Variants in OTUD7A observed in about 807,000 individuals in gnomAD.
OTUD7A encodes OTU deubiquitinase 7A.
A neutral mutation model predicts 65.7 loss-of-function variants in OTUD7A; 12 were observed. The observed-to-expected ratio is 0.18, with a 90% CI of 0.12 to 0.30. The LOEUF (loss-of-function observed/expected upper bound fraction) is 0.30, where lower values mean the gene tolerates loss of function less well. Among genes scored for constraint, OTUD7A ranks in the 10% least tolerant of loss-of-function variants. The pLI, the probability that OTUD7A is intolerant of heterozygous loss-of-function variation, is 1.00. For synonymous variants in OTUD7A, 641 were observed against 586.3 expected (o/e 1.09, Z -1.35); for missense variants, 1,148 against 1,304.8 (o/e 0.88, Z 1.85).
chr15:31,744,813 T>G (rs534843630), intron 1 of OTUD7A, among the ~76,000 whole-genome samples: 1 of 152,194 alleles, frequency 6.6e-6, no homozygotes, highest in East Asian at 1.9e-4. Flanking sequence ...ATAAATGCAT[T>G]TAGTAAGGCT....
chr15:31,742,995 C>T lies in OTUD7A; in HGVS notation c.-99-85918G>A, dbSNP rs139309894. Among the ~76,000 whole-genome samples the T allele has an allele frequency of 1.0e-3, 157 of 151,936 alleles. 1 individual carries two copies. In the East Asian group the frequency reaches 0.018, roughly 18 times the overall value. On this transcript the variant is annotated intron_variant, in intron 1 of 12. Transcript: ENST00000307050. The stretch of plus-strand genomic sequence containing the variant: ...GACTAAAAGGAAATATAGACAAATC[C>T]ATAACCATAGTGGATGATTTTGATG...
chr15:31,739,448 A>G (rs1260264364), intron 1 of OTUD7A, among the ~76,000 whole-genome samples: 1 of 152,250 alleles, frequency 6.6e-6, no homozygotes, highest in Non-Finnish European at 1.5e-5. Flanking sequence ...CCAGGAGGAA[A>G]ATAACAGTTT....
rs142750638 is a variant in OTUD7A at position 31,792,475 on chromosome 15, C to T, written c.-100+78032G>A. Among the ~76,000 whole-genome samples, 304 of 152,294 alleles carry T rather than the reference C, an allele frequency of 2.0e-3. 1 individual carries two copies. Among genetic ancestry groups the T allele is most frequent in the East Asian group, 0.011 (58 of 5,178 alleles). ...CCTCCCCTCTCCCCATATTCCCTGA[C>T]TTGGGCCAGCTTGTTCATCCTGCAC... On this transcript the variant is annotated intron_variant, in intron 1 of 12. Transcript: ENST00000307050.
At chr15:31,781,867 C>T (rs1595764922) in intron 1 of OTUD7A, among the ~76,000 whole-genome samples, 1 of 152,170 alleles carries the variant, frequency 6.6e-6, no homozygotes. Context: ...CAGCCATTTC[C>T]ATCAGAAAGA....
At chr15:31,697,967 G>A (rs28363686) in intron 1 of OTUD7A, among the ~76,000 whole-genome samples, 2,093 of 151,906 alleles carry the variant, frequency 0.014, 44 homozygotes, top group African/African-American at 0.049. Flanking sequence ...CCTGATAATC[G>A]AGCCCATGGT....
At chr15:31,792,903 C>T (rs539798391) in intron 1 of OTUD7A, among the ~76,000 whole-genome samples, 5 of 152,134 alleles carry the variant, frequency 3.3e-5, no homozygotes, top group Non-Finnish European at 7.4e-5. Context: ...AGGCTGCCCC[C>T]CTGCCTGGCA....
At chr15:31,637,270 G>C (rs1031073618) in intron 3 of OTUD7A, among the ~76,000 whole-genome samples, 2 of 152,198 alleles carry the variant, frequency 1.3e-5, no homozygotes, top group African/African-American at 2.4e-5. Context: ...GTGCCCTTAA[G>C]AATGACACTA....
At position 31,686,312 on chromosome 15, in the gene OTUD7A, C is replaced by T. The variant is rs529348114; in HGVS notation, c.-99-29235G>A. On this transcript the variant is annotated intron_variant, in intron 1 of 12. Transcript: ENST00000307050. ...GCCACCTCCATTTGGTTCTCCAGCA[C>T]ACAGGCCATGAGCGTGGAGCTCACT... Among the ~76,000 whole-genome samples, 24 of 152,370 alleles carry T rather than the reference C, an allele frequency of 1.6e-4. No homozygotes were observed. In the South Asian group the frequency reaches 4.8e-3, roughly 30 times the overall value.
intron 10 of OTUD7A, among the ~76,000 whole-genome samples, chr15:31,490,584 G>C (rs2141069216): frequency 6.6e-6 from 1 of 152,308 alleles, no homozygotes; most frequent in South Asian, 2.1e-4. Flanking sequence ...AGACAGACAT[G>C]AGCTTAAGAA....
intron 3 of OTUD7A, among the ~76,000 whole-genome samples, chr15:31,598,060 C>G (rs1020521638): frequency 6.6e-6 from 1 of 152,034 alleles, no homozygotes; most frequent in Non-Finnish European, 1.5e-5. Context: ...GAGCCTGGTC[C>G]GGGAGAGCCT....
intron 1 of OTUD7A, among the ~76,000 whole-genome samples, chr15:31,843,124 G>A (rs1467839046): frequency 6.6e-6 from 1 of 151,938 alleles, no homozygotes; most frequent in Admixed American, 6.5e-5. Context: ...CATATGTGAG[G>A]AGTCGGGAAG....
chr15:31,714,995 G>A (rs2141341770), intron 1 of OTUD7A, among the ~76,000 whole-genome samples: 1 of 117,998 alleles, frequency 8.5e-6, no homozygotes, highest in East Asian at 2.7e-4. Flanking sequence ...AATTAGCCGG[G>A]TGTGGTGGTG....
At chr15:31,745,774 C>A (rs1276243350) in intron 1 of OTUD7A, among the ~76,000 whole-genome samples, 4 of 152,094 alleles carry the variant, frequency 2.6e-5, no homozygotes, top group Non-Finnish European at 5.9e-5. Flanking sequence ...AAAATATTCA[C>A]AAGACAGACT....
At chr15:31,865,641 T>C (rs1351933177) in intron 1 of OTUD7A, among the ~76,000 whole-genome samples, 1 of 152,174 alleles carries the variant, frequency 6.6e-6, no homozygotes, top group East Asian at 1.9e-4. Context: ...TTCTCAGAGG[T>C]AGCAAGGTTC....
chr15:31,815,581 G>A (rs1896527146), intron 1 of OTUD7A, among the ~76,000 whole-genome samples: 2 of 152,374 alleles, frequency 1.3e-5, no homozygotes, highest in South Asian at 4.1e-4. Flanking sequence ...CAAAGCCCGT[G>A]AGGGGCTGGA....
At chr15:31,561,449 G>A (rs1192918661) in intron 4 of OTUD7A, among the ~76,000 whole-genome samples, 1 of 152,216 alleles carries the variant, frequency 6.6e-6, no homozygotes, top group Admixed American at 6.5e-5. Context: ...ATGTGCACCT[G>A]CAATCGGTGG....
chr15:31,670,281 C>T (rs1892447270), intron 1 of OTUD7A, among the ~76,000 whole-genome samples: 1 of 152,070 alleles, frequency 6.6e-6, no homozygotes, highest in Non-Finnish European at 1.5e-5. Flanking sequence ...GATTTGTATT[C>T]CTTTGGGTAT....
chr15:31,617,255 G>A (rs141885000), intron 3 of OTUD7A, among the ~76,000 whole-genome samples: 19 of 152,306 alleles, frequency 1.2e-4, no homozygotes, highest in Non-Finnish European at 2.2e-4. Context: ...TTGGGAGGCC[G>A]AGGTGGATGG....
chr15:31,674,257 A>G (rs1260221228), intron 1 of OTUD7A, among the ~76,000 whole-genome samples: 2 of 152,190 alleles, frequency 1.3e-5, no homozygotes, highest in African/African-American at 4.8e-5. Context: ...TGTGTCCAGG[A>G]GAGCCGGTGG....
Sources: allele counts gnomAD v4.1 joint callset (sites outside exome capture counted in the v4.1 genomes callset), GRCh38; gene constraint gnomAD v4.1.1; transcripts MANE v1.5; gene names NCBI Gene and HGNC (gene_info 2026-07-23, HGNC 2026-07-21).